The following CIT variants were observed in gnomAD, a reference collection of about 807,000 sequenced individuals.
CIT encodes the protein citron Rho-interacting kinase.
In CIT, 79 loss-of-function variants were observed where a neutral mutation model predicts 272.7. The ratio of observed to expected loss-of-function variants is 0.29; its 90% confidence interval spans 0.24 to 0.35. The LOEUF (loss-of-function observed/expected upper bound fraction) is 0.35. Ranked by LOEUF, CIT falls within the 10% of genes least tolerant of loss-of-function variation. The pLI, the probability that CIT is intolerant of heterozygous loss-of-function variation, is 1.00. For missense variants in CIT, 1,909 were observed against 2,618.3 expected, an observed-to-expected ratio of 0.73 and a Z score of 5.91; for synonymous variants, 948 against 995.6, an observed-to-expected ratio of 0.95 and a Z score of 0.90.
At chr12:119,746,558 C>T (rs1245529541) in intron 23 of CIT, among the ~76,000 whole-genome samples, 1 of 152,170 alleles carries the variant, frequency 6.6e-6, no homozygotes, top group Non-Finnish European at 1.5e-5. Flanking sequence ...GGGACAGAAG[C>T]CCTATTCCAC....
chr12:119,690,434 G>A lies in CIT; in HGVS notation c.5903C>T (p.Pro1968Leu). 1 of 1,592,326 alleles carries A rather than the reference G, an allele frequency of 6.3e-7. No homozygotes were observed. Among genetic ancestry groups the A allele is most frequent in the South Asian group, 1.1e-5 (1 of 88,962 alleles). The change falls in exon 47 of 48, where the codon CCA becomes CTA. Residue 1968 changes from proline to leucine, a missense_variant. Physicochemically the swap from Pro to Leu is moderately conservative, Grantham distance 98 (BLOSUM62 -3). Around this residue, in one of 8 missense-constraint regions of CIT, gnomAD observed 780 missense variants for 1,067.2 expected, o/e 0.73. Coordinates refer to ENST00000392521, the MANE Select transcript of CIT (RefSeq NM_001206999.2). The surrounding 1 kb of genome is among the most constrained non-coding windows in gnomAD (Gnocchi z 6.0). ...TSRSSPNKRG[P>L]PTYNEHITKR... ...GGTGATGTGCTCGTTGTACGTGGGT[G>A]GGCCTCGCTTGTTGGGGCTGCTGGC...
chr12:119,685,924 CT>C lies in CIT; in HGVS notation c.*2307del, dbSNP rs1955558187. 6.6e-6 allele frequency: 1 copy of C among 152,556 alleles called. No individual in the cohort carries two copies. The highest frequency in any genetic ancestry group is 2.4e-5 in the African/African-American group (1 of 41,444). 9.5% of individuals were successfully genotyped at this position (152,556 alleles called of 1,614,324 possible). On this transcript the variant is annotated 3_prime_UTR_variant, in exon 48 of 48. Transcript: ENST00000392521. ...AAAGGTAATGAAGAAAAAGCCTGTACTTTTGGAGACCTAGAATCTTGATTGA... is the reference window on the plus strand; with the variant it reads ...AAAGGTAATGAAGAAAAAGCCTGTACTTTGGAGACCTAGAATCTTGATTGA...
At chr12:119,855,254 C>T (rs1480130075) in intron 4 of CIT, among the ~76,000 whole-genome samples, 2 of 151,942 alleles carry the variant, frequency 1.3e-5, no homozygotes, top group African/African-American at 4.8e-5. Flanking sequence ...AACCCCGTCT[C>T]TACTAAAATT....
intron 19 of CIT, among the ~76,000 whole-genome samples, chr12:119,763,238 C>A (rs532512187): frequency 1.6e-4 from 1 of 6,432 alleles, no homozygotes; most frequent in Non-Finnish European, 3.3e-4. Flanking sequence ...ATCAATATAT[C>A]ACCAAATCAT....
At chr12:119,808,948 GAT>G (rs1966752253) in intron 9 of CIT, among the ~76,000 whole-genome samples, 1 of 152,220 alleles carries the variant, frequency 6.6e-6, no homozygotes, top group Non-Finnish European at 1.5e-5. Flanking sequence ...CAGAGGTCAA[GAT>G]ATGGGTGTGA....
intron 10 of CIT, among the ~76,000 whole-genome samples, chr12:119,802,073 C>T (rs1212823299): frequency 6.6e-6 from 1 of 152,144 alleles, no homozygotes; most frequent in East Asian, 1.9e-4. Context: ...ATCCAGGAAC[C>T]AACATAACAT....
At chr12:119,789,316 C>T (rs997962814) in intron 10 of CIT, among the ~76,000 whole-genome samples, 16 of 152,184 alleles carry the variant, frequency 1.1e-4, no homozygotes, top group Admixed American at 5.2e-4. Flanking sequence ...TTCCATGTAG[C>T]ATTTTGGCCA....
In CIT at chr12:119,712,309, T is replaced by C. The variant is rs1259583387; in HGVS notation, c.4723A>G (p.Thr1575Ala). The C allele has an allele frequency of 6.2e-7, 1 of 1,613,640 alleles. No homozygotes were observed. Among genetic ancestry groups the C allele is most frequent in the Non-Finnish European group, 8.5e-7 (1 of 1,179,850 alleles). Residue 1575 changes from threonine (T) to alanine (A), a missense_variant, in exon 37 of 48, where the codon ACC becomes GCC. This residue lies in a region of CIT where 780 missense variants were observed against 1,067.2 expected (regional missense o/e 0.73). Transcript: ENST00000392521. This position sits in a 1 kb window ranked among gnomAD's most constrained non-coding sequence, Gnocchi z 5.2. ...YILKMESHPH[T>A]TCWPGRTLYL... Reference sequence around the variant, plus strand: ...AGGGTTCTCCCGGGCCAGCAGGTGGTGTGCGGGTGAGATTCCATCTTCAGT... The same window carrying C: ...AGGGTTCTCCCGGGCCAGCAGGTGGCGTGCGGGTGAGATTCCATCTTCAGT...
intron 28 of CIT, among the ~76,000 whole-genome samples, chr12:119,725,283 G>A (rs1315786796): frequency 2.0e-5 from 3 of 151,986 alleles, no homozygotes; most frequent in East Asian, 1.9e-4. Context: ...AAATTTAGCC[G>A]GGAGTGCTGG....
chr12:119,718,083 G>A lies in CIT; in HGVS notation c.4168+162C>T, dbSNP rs1173386897. Among the ~76,000 whole-genome samples the A allele has an allele frequency of 6.6e-6, 1 of 151,846 alleles. No individual in the cohort carries two copies. Among genetic ancestry groups the A allele is most frequent in the Non-Finnish European group, 1.5e-5 (1 of 67,964 alleles). ...TTGAGCTCCCAACTTCAGGTGATCC[G>A]CCCACCTCGGCCTCCCAAAGTGCTG... On this transcript the variant is annotated intron_variant, in intron 32 of 47. Coordinates refer to ENST00000392521, the MANE Select transcript of CIT (RefSeq NM_001206999.2). This position sits in a 1 kb window ranked among gnomAD's most constrained non-coding sequence, Gnocchi z 4.8.
chr12:119,698,169 C>A (rs1956334847), intron 44 of CIT, 115 bp from the exon 45 acceptor site: 1 of 861,960 alleles, frequency 1.2e-6, no homozygotes, highest in Admixed American at 1.8e-5. Context: ...AGCAACTCAC[C>A]CAACAAATAC....
intron 44 of CIT, among the ~76,000 whole-genome samples, chr12:119,698,607 AT>A (rs200098466): frequency 8.6e-5 from 12 of 139,006 alleles, no homozygotes; most frequent in African/African-American, 2.6e-4. Context: ...AAAAAAAAAA[AT>A]TATAATACAT....
At chr12:119,758,284 A>G (rs1172530410) in intron 21 of CIT, among the ~76,000 whole-genome samples, 1 of 152,234 alleles carries the variant, frequency 6.6e-6, no homozygotes, top group African/African-American at 2.4e-5. Context: ...CTTACTAATT[A>G]CAGGATGCAA....
At chr12:119,747,600 G>A (rs1002554618) in intron 23 of CIT, among the ~76,000 whole-genome samples, 1 of 146,774 alleles carries the variant, frequency 6.8e-6, no homozygotes, top group African/African-American at 2.5e-5. Context: ...AGCACCTGTA[G>A]TCCCAGCTAC....
chr12:119,851,940 G>A lies in CIT; in HGVS notation c.415-1665C>T, dbSNP rs373345814. 1.1e-4 allele frequency among the ~76,000 whole-genome samples: 17 copies of A among 152,306 alleles called. No homozygotes were observed. The South Asian group carries it at 1.9e-3, about 17-fold the overall frequency. On this transcript the variant is annotated intron_variant, in intron 4 of 47. Coordinates refer to ENST00000392521, the MANE Select transcript of CIT (RefSeq NM_001206999.2). ...CCCAGTTACTCAGGAGGCTGTGGCA[G>A]GTGGATTACTTGAGCCCAGGAGTTC...
intron 41 of CIT, among the ~76,000 whole-genome samples, chr12:119,703,951 T>C (rs1956732193): frequency 6.6e-6 from 1 of 152,234 alleles, no homozygotes; most frequent in African/African-American, 2.4e-5. Context: ...CACTGGTTAT[T>C]GCAGAAGGTT....
Position 119,776,907 on chromosome 12 carries a change from G to A in CIT, c.1666-65C>T. 2.6e-6 allele frequency: 4 copies of A among 1,522,490 alleles called. No homozygotes were observed. The South Asian group carries it at 4.5e-5, about 17-fold the overall frequency. The allele number at this position is 1,522,490 out of a possible 1,614,324, so 94.3% of individuals were successfully genotyped here. ...TCCGAAAAGAATAGACAGGCAGTGA[G>A]GATGGAAGAGTATTAACCACACAGG... On this transcript the variant is annotated intron_variant, in intron 13 of 47. Transcript: ENST00000392521.
chr12:119,713,588 G>A lies in CIT; in HGVS notation c.4367C>T (p.Pro1456Leu), dbSNP rs776543822. 6.2e-7 allele frequency: 1 copy of A among 1,614,256 alleles called. No individual in the cohort carries two copies. Among genetic ancestry groups the A allele is most frequent in the South Asian group, 1.1e-5 (1 of 91,086 alleles). Residue 1456 changes from proline to leucine, a missense_variant, in exon 34 of 48, where the codon CCT (proline) becomes CTT (leucine). Pro to Leu is a moderately conservative substitution (Grantham distance 98, BLOSUM62 -3). This residue lies in a region of CIT where 780 missense variants were observed against 1,067.2 expected (regional missense o/e 0.73). Transcript: ENST00000392521. This position sits in a 1 kb window ranked among gnomAD's most constrained non-coding sequence, Gnocchi z 5.2. ...GGTGAAGTGTGTGGCATATTCAGCA[G>A]GCAAGCCGCAGGTGGCTGGCAAGCA... is the stretch of plus-strand genomic sequence containing the variant. Reference protein sequence around the residue: ...STCLPATCGLPAEYATHFTEA... With the variant: ...STCLPATCGLLAEYATHFTEA...
Position 119,803,355 on chromosome 12 carries a change from G to C in CIT, c.1146C>G (p.Asp382Glu). ...PPPFVPTLKSDDDTSNFDEPE... is the reference protein window; with the variant it reads ...PPPFVPTLKSEDDTSNFDEPE... ...GTTCATCAAAATTGGAGGTGTCATC[G>C]TCAGACTTGAGGGTGGGAACGAAGG... is the stretch of plus-strand genomic sequence containing the variant. The change falls in exon 10 of 48, where the codon GAC becomes GAG. Residue 382 changes from aspartate (D) to glutamate (E), a missense_variant. Asp to Glu is a conservative substitution (Grantham distance 45). This residue lies in a region of CIT where 529 missense variants were observed against 549.6 expected (regional missense o/e 0.96). Coordinates refer to ENST00000392521, the MANE Select transcript of CIT (RefSeq NM_001206999.2). 1.8e-5 allele frequency: 29 copies of C among 1,599,274 alleles called. No individual in the cohort carries two copies. The highest frequency in any genetic ancestry group is 2.3e-5 in the Non-Finnish European group (27 of 1,173,754).
Sources: gnomAD v4.1 joint callset for allele counts (sites outside exome capture counted in the v4.1 genomes callset) on GRCh38, gnomAD v4.1.1 for gene constraint, gnomAD v4.1.1 regional missense constraint, Gnocchi (gnomAD v3.1) non-coding constraint, MANE v1.5 for transcripts, NCBI Gene and HGNC (gene_info 2026-07-23, HGNC 2026-07-21) for gene names.